The following EYA1 variants were observed in gnomAD, a reference collection of about 807,000 sequenced individuals.
EYA1 encodes EYA transcriptional coactivator and phosphatase 1, also known as protein phosphatase EYA1.
A neutral mutation model predicts 82.0 loss-of-function variants in EYA1; 16 were observed. The ratio of observed to expected loss-of-function variants is 0.20; its 90% CI spans 0.13 to 0.30. The LOEUF is 0.30. EYA1 is among the 10% of genes least tolerant of loss of function. EYA1 has a pLI of 1.00. For synonymous variants in EYA1, 261 were observed against 264.4 expected (o/e 0.99, Z 0.12); for missense variants, 633 against 730.7 (o/e 0.87, Z 1.54).
chr8:71,412,303 G>C (rs1004338584), intron 2 of EYA1, among the ~76,000 whole-genome samples: 1 of 146,918 alleles, frequency 6.8e-6, no homozygotes, highest in African/African-American at 2.5e-5. Context: ...TGGGTGCAGC[G>C]CACCAGCATG....
chr8:71,270,756 G>T (rs756523072), intron 10 of EYA1, among the ~76,000 whole-genome samples: 5 of 152,148 alleles, frequency 3.3e-5, no homozygotes, highest in Non-Finnish European at 7.4e-5. Flanking sequence ...CTCATTAGAT[G>T]ATTACTATTT....
At position 71,197,582 on chromosome 8, in the gene EYA1, T is replaced by C. The variant is rs1185811941; in HGVS notation, c.*1758A>G. The C allele has an allele frequency of 2.0e-5, 3 of 152,434 alleles. No homozygotes were observed. The allele number at this position is 152,434 out of a possible 1,614,324, so 9.4% of individuals were successfully genotyped here. A position where few individuals can be genotyped will look rare whatever the true frequency, so the allele number is the denominator to read the frequency against. ...GTCTGCAGAGTACAAAAACATAAAA[T>C]GAAAAGGTTAAAAATTGTCAACTGT... On this transcript the variant is annotated 3_prime_UTR_variant, in exon 18 of 18. Coordinates refer to ENST00000340726, the MANE Select transcript of EYA1 (RefSeq NM_000503.6).
At chr8:71,205,358 A>G (rs1807627198) in intron 17 of EYA1, among the ~76,000 whole-genome samples, 1 of 152,028 alleles carries the variant, frequency 6.6e-6, no homozygotes, top group Non-Finnish European at 1.5e-5. Context: ...AAACAATCAT[A>G]CCTAGGTCTA....
In EYA1 at chr8:71,199,143, TAG is replaced by T; in HGVS notation, c.*195_*196del. ...CTTATTTTCACTGGATTCACAGTACTAGAGTCAACAGCTGTTCTGATGAAATA... is the reference window on the plus strand; with the variant it reads ...CTTATTTTCACTGGATTCACAGTACTAGTCAACAGCTGTTCTGATGAAATA... On this transcript the variant is annotated 3_prime_UTR_variant, in exon 18 of 18. Transcript: ENST00000340726. 1 of 648,124 alleles carries T rather than the reference TAG, an allele frequency of 1.5e-6. No individual in the cohort carries two copies. Among genetic ancestry groups the T allele is most frequent in the Non-Finnish European group, 2.8e-6 (1 of 355,770 alleles). 40.1% of individuals were successfully genotyped at this position (648,124 alleles called of 1,614,324 possible).
chr8:71,240,379 A>G (rs1812336581), intron 12 of EYA1, among the ~76,000 whole-genome samples: 1 of 152,008 alleles, frequency 6.6e-6, no homozygotes, highest in African/African-American at 2.4e-5. Context: ...AGGAATATTC[A>G]TGTTGTAAAT....
At chr8:71,291,436 C>T (rs1818985703) in intron 9 of EYA1, among the ~76,000 whole-genome samples, 1 of 152,306 alleles carries the variant, frequency 6.6e-6, no homozygotes, top group East Asian at 1.9e-4. Context: ...TCCCGTCCAA[C>T]ACCTTAACCA....
chr8:71,399,736 C>A (rs13249162), intron 2 of EYA1, among the ~76,000 whole-genome samples: 109,199 of 152,048 alleles, frequency 0.72, 40,027 homozygotes, highest in African/African-American at 0.82. Context: ...AGTAATTTAT[C>A]GATTCAATGC....
intron 2 of EYA1, among the ~76,000 whole-genome samples, chr8:71,493,664 C>T (rs1486759558): frequency 4.0e-5 from 6 of 151,768 alleles, no homozygotes; most frequent in African/African-American, 1.5e-4. Context: ...TGGTTAATTT[C>T]ATTATATATT....
chr8:71,455,450 A>G (rs906795435), intron 2 of EYA1, among the ~76,000 whole-genome samples: 1 of 152,178 alleles, frequency 6.6e-6, no homozygotes, highest in African/African-American at 2.4e-5. Context: ...GCAGAGACAC[A>G]ACAAAAAAAG....
At chr8:71,270,491 T>C (rs1000848826) in intron 10 of EYA1, among the ~76,000 whole-genome samples, 38 of 152,290 alleles carry the variant, frequency 2.5e-4, no homozygotes, top group African/African-American at 8.7e-4. Flanking sequence ...TTCAAAAAGG[T>C]CTTTGGGATA....
rs578030568 is a variant in EYA1, at chr8:71,271,978, G to A, written c.827-81C>T. 84 of 1,472,670 alleles carry A rather than the reference G, an allele frequency of 5.7e-5. 1 individual carries two copies. In the East Asian group the frequency reaches 1.8e-3, roughly 32 times the overall value. 91.2% of individuals were successfully genotyped at this position (1,472,670 alleles called of 1,614,324 possible). On this transcript the variant is annotated intron_variant, in intron 9 of 17. Coordinates refer to ENST00000340726, the MANE Select transcript of EYA1 (RefSeq NM_000503.6). ...ATTAGCCTTGTTTTAATTCACAAGG[G>A]GAGTTTCAATAGTAAAGCACATTTC...
At chr8:71,377,501 C>T (rs73684761) in intron 2 of EYA1, among the ~76,000 whole-genome samples, 7 of 152,108 alleles carry the variant, frequency 4.6e-5, no homozygotes, top group Non-Finnish European at 1.0e-4. Flanking sequence ...TGATTCCAAT[C>T]GCAAGGATAT....
chr8:71,243,975 A>G lies in EYA1; in HGVS notation c.1140+628T>C, dbSNP rs141150992. Among the ~76,000 whole-genome samples the G allele has an allele frequency of 6.5e-3, 983 of 152,380 alleles. 6 individuals are homozygous for G. Among genetic ancestry groups the G allele is most frequent in the Non-Finnish European group, 1.0e-2 (677 of 68,038 alleles). ...AATGTAGTTATAGTCATATTTTCTC[A>G]TAATGGAGATATGAAAAACAATATT... On this transcript the variant is annotated intron_variant, in intron 12 of 17. Coordinates refer to ENST00000340726, the MANE Select transcript of EYA1 (RefSeq NM_000503.6).
chr8:71,542,135 T>C (rs1815187101), intron 1 of EYA1, among the ~76,000 whole-genome samples: 2 of 152,292 alleles, frequency 1.3e-5, no homozygotes, highest in Admixed American at 6.5e-5. Flanking sequence ...ATCTGTGTCA[T>C]GGGGGTTTGT....
At chr8:71,539,788 C>G (rs7007823) in intron 1 of EYA1, among the ~76,000 whole-genome samples, 15,192 of 152,140 alleles carry the variant, frequency 0.1, 2,574 homozygotes, top group African/African-American at 0.34. Context: ...ATTTGCCACT[C>G]TAGGGAGAGT....
At chr8:71,217,232 T>C (rs1363397719) in intron 12 of EYA1, among the ~76,000 whole-genome samples, 2 of 152,216 alleles carry the variant, frequency 1.3e-5, no homozygotes, top group Non-Finnish European at 1.5e-5. Flanking sequence ...CGTTAAGGAC[T>C]ACTGTTATTC....
chr8:71,248,225 C>A (rs1476261514), intron 11 of EYA1, among the ~76,000 whole-genome samples: 9 of 152,172 alleles, frequency 5.9e-5, no homozygotes, highest in Non-Finnish European at 1.3e-4. Context: ...ACCTGCCACT[C>A]CAAGATATTG....
chr8:71,199,447 A>G (rs1179960084), intron 17 of EYA1, 27 bp from the exon 18 acceptor site: 2 of 1,566,046 alleles, frequency 1.3e-6, no homozygotes, highest in South Asian at 2.2e-5. Flanking sequence ...CATACATGTG[A>G]GGACAGAGCA....
chr8:71,391,621 G>A lies in EYA1; in HGVS notation c.34-35110C>T, dbSNP rs56217112. 4.1e-3 allele frequency among the ~76,000 whole-genome samples: 631 copies of A among 152,242 alleles called. 6 individuals carry two copies. Among genetic ancestry groups the A allele is most frequent in the African/African-American group, 0.014 (594 of 41,550 alleles). ...TTTTATTTTTAATTTTGTTTAGCAG[G>A]CAATGAATCTGGCTAATTTCAGACT... On this transcript the variant is annotated intron_variant, in intron 2 of 18. Transcript: ENST00000643681.
Sources: gnomAD v4.1 joint callset for allele counts (sites outside exome capture counted in the v4.1 genomes callset) on GRCh38, gnomAD v4.1.1 for gene constraint, MANE v1.5 for transcripts, NCBI Gene and HGNC (gene_info 2026-07-23, HGNC 2026-07-21) for gene names.